MCF2: variants seen among roughly 807,000 people sequenced by gnomAD.
MCF2 encodes MCF.2 cell line derived transforming sequence.
MCF2 carries 44 observed loss-of-function variants against 82.5 expected under a neutral mutation model. The observed-to-expected ratio is 0.53, with a 90% confidence interval of 0.42 to 0.69. MCF2 has a LOEUF of 0.69. Among genes scored for constraint, MCF2 ranks in the 30% least tolerant of loss-of-function variants. The pLI is 0.00. For missense variants in MCF2, 623 were observed against 663.1 expected, an observed-to-expected ratio of 0.94 and a Z score of 0.66; for synonymous variants, 217 against 224.9, an observed-to-expected ratio of 0.96 and a Z score of 0.32.
At chrX:139,685,637 G>A (rs778107887) in intron 1 of MCF2, among the ~76,000 whole-genome samples, 5 of 110,876 alleles carry the variant, frequency 4.5e-5, no homozygotes, top group African/African-American at 1.6e-4. Flanking sequence ...GCTCCCAGCC[G>A]AATAAACTGC....
intron 6 of MCF2, among the ~76,000 whole-genome samples, chrX:139,621,795 A>T (rs1167085160): frequency 4.5e-5 from 5 of 111,568 alleles, no homozygotes; most frequent in East Asian, 2.8e-4. Context: ...AACCTAGGCA[A>T]TACCATTCAG....
exon 13 of MCF2, chrX:139,605,777 T>C (rs1930951888): frequency 8.5e-7 from 1 of 1,173,347 alleles, no homozygotes; most frequent in South Asian, 1.9e-5. Flanking sequence ...ATTTAGTACG[T>C]GGCTAAAATG....
In MCF2 at chrX:139,665,431, G is replaced by C. The variant is rs185818981; in HGVS notation, c.-44-13643C>G. On this transcript the variant is annotated intron_variant, in intron 1 of 27. Coordinates refer to the MCF2 transcript ENST00000414978. ...CATCAGCTGAGTTCAGCCCAGTTTT[G>C]CTTTCCACTGTGACTAGGGCAGCAC... 2.7e-5 allele frequency among the ~76,000 whole-genome samples: 3 copies of C among 111,646 alleles called. No individual in the cohort carries two copies. In the Admixed American group the frequency reaches 2.8e-4, roughly 11 times the overall value.
At chrX:139,598,545 C>T in intron 16 of MCF2, 47 bp from the exon 21 acceptor site, 1 of 733,980 alleles carries the variant, frequency 1.4e-6, no homozygotes, top group Admixed American at 3.6e-5. Context: ...AAGACATGTA[C>T]CTGTGAAAAT....
chrX:139,614,501 G>A (rs1931739965), intron 10 of MCF2, among the ~76,000 whole-genome samples: 1 of 54,510 alleles, frequency 1.8e-5, no homozygotes, highest in African/African-American at 1.0e-4. Flanking sequence ...TAGAGTAGCA[G>A]TAAATATGTG....
At position 139,664,451 on chromosome X, in the gene MCF2, C is replaced by A. The variant is rs772471341; in HGVS notation, c.-44-12663G>T. Among the ~76,000 whole-genome samples, 8 of 111,682 alleles carry A rather than the reference C, an allele frequency of 7.2e-5. No homozygotes were observed. In the South Asian group the frequency reaches 2.2e-3, roughly 31 times the overall value. Reference sequence around the variant, plus strand: ...TCCTTTACATTGAGTCTATGTGTTTCTTTACTGGTAAGGTGAAGCCATACA... The same window carrying A: ...TCCTTTACATTGAGTCTATGTGTTTATTTACTGGTAAGGTGAAGCCATACA... On this transcript the variant is annotated intron_variant, in intron 1 of 27. Transcript: ENST00000414978.
In MCF2 at chrX:139,631,378, G is replaced by A. The variant is rs1287798895; in HGVS notation, c.288+17C>T. ...TGAAGAACTATAGGCTCTACAGTAA[G>A]GGCAAAGACAACATACATTTCTGAA... On this transcript the variant is annotated intron_variant, in intron 3 of 24. Coordinates refer to ENST00000370576, the Ensembl canonical transcript of MCF2. The A allele has an allele frequency of 1.9e-6, 2 of 1,025,684 alleles. No homozygotes were observed. The highest frequency in any genetic ancestry group is 3.7e-5 in the African/African-American group (2 of 53,385). The allele number at this position is 1,025,684 out of a possible 1,213,427, so 84.5% of individuals were successfully genotyped here.
intron 15 of MCF2, 25 bp from the exon 20 acceptor site, chrX:139,602,523 G>A (rs1363808978): frequency 4.7e-5 from 46 of 989,211 alleles, no homozygotes; most frequent in Non-Finnish European, 6.6e-5. Flanking sequence ...AAATTCAAAT[G>A]TATTACTAAT....
At chrX:139,695,278 C>A (rs1476639427) in intron 1 of MCF2, among the ~76,000 whole-genome samples, 1 of 111,469 alleles carries the variant, frequency 9.0e-6, no homozygotes, top group African/African-American at 3.3e-5. Context: ...GATCTGCCCG[C>A]CTCGGCCTCC....
At chrX:139,696,959 T>C (rs1935397434) in intron 1 of MCF2, among the ~76,000 whole-genome samples, 1 of 112,266 alleles carries the variant, frequency 8.9e-6, no homozygotes, top group Non-Finnish European at 1.9e-5. Context: ...CATTAGGTTC[T>C]TTGCCATGTA....
intron 19 of MCF2, among the ~76,000 whole-genome samples, chrX:139,590,476 A>AAAT (rs1468013256): frequency 9.1e-6 from 1 of 110,182 alleles, no homozygotes; most frequent in Non-Finnish European, 1.9e-5. Flanking sequence ...TCTAAAAAAA[A>AAAT]AATAATAATA....
At chrX:139,650,059 A>G (rs1415273978) in intron 2 of MCF2, among the ~76,000 whole-genome samples, 4 of 112,459 alleles carry the variant, frequency 3.6e-5, no homozygotes, top group Non-Finnish European at 7.5e-5. Context: ...ATAATCATTT[A>G]AAAGCAGAGG....
intron 24 of MCF2, among the ~76,000 whole-genome samples, chrX:139,582,895 T>G (rs1301430509): frequency 8.9e-6 from 1 of 112,113 alleles, no homozygotes; most frequent in Admixed American, 9.5e-5. Flanking sequence ...CAACTACTAC[T>G]ATCCATTCCA....
intron 1 of MCF2, among the ~76,000 whole-genome samples, chrX:139,694,392 C>A (rs1462582734): frequency 9.5e-6 from 1 of 104,742 alleles, no homozygotes. Context: ...TCGAGAATAG[C>A]CAAAACAATC....
At chrX:139,692,741 T>C (rs1935303549) in intron 1 of MCF2, among the ~76,000 whole-genome samples, 1 of 112,258 alleles carries the variant, frequency 8.9e-6, no homozygotes, top group Admixed American at 9.3e-5. Context: ...TGTGAGCACA[T>C]GCAGGTGGCC....
chrX:139,607,419 A>C lies in MCF2; in HGVS notation c.1490+272T>G, dbSNP rs185473997. 1,263 of 172,724 alleles carry C rather than the reference A, an allele frequency of 7.3e-3. 11 individuals are homozygous for C. Among genetic ancestry groups the C allele is most frequent in the African/African-American group, 0.035 (1,172 of 33,022 alleles). 14.2% of individuals were successfully genotyped at this position (172,724 alleles called of 1,213,427 possible). A position where few individuals can be genotyped will look rare whatever the true frequency, so the allele number is the denominator to read the frequency against. ...TATGTGTCAATGAAAAATAATAATAAAACTTTTTTTAAGAATGATAAACGA... is the reference window on the plus strand; with the variant it reads ...TATGTGTCAATGAAAAATAATAATACAACTTTTTTTAAGAATGATAAACGA... On this transcript the variant is annotated intron_variant, in intron 12 of 24. Coordinates refer to ENST00000370576, the Ensembl canonical transcript of MCF2.
intron 18 of MCF2, 65 bp from the exon 23 acceptor site, chrX:139,596,835 A>C: frequency 1.4e-6 from 1 of 737,069 alleles, no homozygotes; most frequent in Non-Finnish European, 2.1e-6. Context: ...TGACACCAAC[A>C]TGTTAGGGTT....
intron 1 of MCF2, among the ~76,000 whole-genome samples, chrX:139,692,435 C>T (rs1430275446): frequency 9.0e-6 from 1 of 111,391 alleles, no homozygotes; most frequent in African/African-American, 3.3e-5. Context: ...AGCGCTCTGG[C>T]CCCCGCCGCT....
intron 1 of MCF2, among the ~76,000 whole-genome samples, chrX:139,673,394 T>C (rs1934764987): frequency 8.9e-6 from 1 of 111,890 alleles, no homozygotes; most frequent in Non-Finnish European, 1.9e-5. Context: ...TCTAGTTCTT[T>C]TAATTGTGAT....
Sources: allele counts gnomAD v4.1 joint callset (sites outside exome capture counted in the v4.1 genomes callset), GRCh38; gene constraint gnomAD v4.1.1; transcripts MANE v1.5; gene names NCBI Gene and HGNC (gene_info 2026-07-23, HGNC 2026-07-21).